C1orf94: variants seen among roughly 807,000 people sequenced by gnomAD.
C1orf94 encodes chromosome 1 open reading frame 94, also known as uncharacterized protein C1orf94.
Under a neutral mutation model 53.6 loss-of-function variants are expected in C1orf94, and 45 were observed. The observed-to-expected ratio is 0.84, with a 90% CI of 0.66 to 1.08. The LOEUF (loss-of-function observed/expected upper bound fraction) is 1.08, where lower values mean the gene tolerates loss of function less well. Among genes scored for constraint, C1orf94 ranks in the 50% least tolerant of loss-of-function variants. C1orf94 has a pLI of 0.00. For missense variants in C1orf94, 762 were observed against 738.9 expected (o/e 1.03, Z -0.36); for synonymous variants, 304 against 296.1 (o/e 1.03, Z -0.27).
At chr1:34,201,815 G>A (rs1020962550) in intron 3 of C1orf94, among the ~76,000 whole-genome samples, 1 of 152,170 alleles carries the variant, frequency 6.6e-6, no homozygotes, top group African/African-American at 2.4e-5. Flanking sequence ...GTATTCCCTT[G>A]CTAAATTGCC....
rs553040512 is a variant in C1orf94, at chr1:34,203,240, C to T, written c.1446+981C>T. On this transcript the variant is annotated intron_variant, in intron 4 of 6. Transcript: ENST00000488417. Reference sequence around the variant, plus strand: ...GCAACCTCTGCATCCCAGGTTGAAGCGATTCTCCTACCTCAGCCTCCCAAG... The same window carrying T: ...GCAACCTCTGCATCCCAGGTTGAAGTGATTCTCCTACCTCAGCCTCCCAAG... 4.6e-5 allele frequency among the ~76,000 whole-genome samples: 7 copies of T among 152,274 alleles called. No individual in the cohort carries two copies. The South Asian group carries it at 6.2e-4, about 14-fold the overall frequency.
intron 1 of C1orf94, among the ~76,000 whole-genome samples, chr1:34,167,636 G>A (rs1455077496): frequency 6.9e-5 from 3 of 43,646 alleles, no homozygotes; most frequent in Non-Finnish European, 1.7e-4. Context: ...GGCCCTGAGC[G>A]AGGCTGTGCT....
At chr1:34,168,458 A>G in intron 1 of C1orf94, among the ~76,000 whole-genome samples, 1 of 152,176 alleles carries the variant, frequency 6.6e-6, no homozygotes, top group East Asian at 1.9e-4. Context: ...AGTGGGGCAG[A>G]TCACATAGGG....
intron 1 of C1orf94, among the ~76,000 whole-genome samples, chr1:34,181,708 CACA>C (rs924250462): frequency 2.0e-5 from 3 of 152,126 alleles, no homozygotes; most frequent in Non-Finnish European, 2.9e-5. Context: ...ATAAGAAACA[CACA>C]AAAATAAACA....
intron 1 of C1orf94, among the ~76,000 whole-genome samples, chr1:34,168,988 G>A (rs1642095040): frequency 6.6e-6 from 1 of 152,148 alleles, no homozygotes; most frequent in African/African-American, 2.4e-5. Flanking sequence ...TATGTAAAGA[G>A]ATATCTGTTT....
chr1:34,199,332 A>G (rs1015101395), intron 2 of C1orf94, among the ~76,000 whole-genome samples: 1 of 152,162 alleles, frequency 6.6e-6, no homozygotes, highest in Admixed American at 6.5e-5. Flanking sequence ...ATCAGTGGGT[A>G]CTGTTATTTC....
At chr1:34,192,641 G>A (rs1326625065) in intron 1 of C1orf94, among the ~76,000 whole-genome samples, 1 of 152,188 alleles carries the variant, frequency 6.6e-6, no homozygotes, top group Non-Finnish European at 1.5e-5. Context: ...TATTAAATTA[G>A]GTGATGGTAC....
At chr1:34,176,419 C>G (rs916315936), upstream of C1orf94, among the ~76,000 whole-genome samples, 1 of 152,114 alleles carries the variant, frequency 6.6e-6, no homozygotes. Context: ...AGGGTAGGGG[C>G]CTGTTGATCA....
chr1:34,173,424 A>G (rs967046067), upstream of C1orf94, among the ~76,000 whole-genome samples: 21 of 152,216 alleles, frequency 1.4e-4, no homozygotes, highest in Admixed American at 7.9e-4. Context: ...AGCCTAGGCC[A>G]TTCCCACGTT....
At chr1:34,182,714 A>T (rs1642328442) in intron 1 of C1orf94, among the ~76,000 whole-genome samples, 1 of 152,172 alleles carries the variant, frequency 6.6e-6, no homozygotes, top group Admixed American at 6.5e-5. Context: ...ACAAACAAGG[A>T]TGGGGGCATG....
At chr1:34,218,407 G>A (rs146611515) in intron 6 of C1orf94, among the ~76,000 whole-genome samples, 2 of 152,166 alleles carry the variant, frequency 1.3e-5, no homozygotes, top group Admixed American at 1.3e-4. Flanking sequence ...CTTGGGCAGG[G>A]AGAGAGTGTA....
At chr1:34,185,396 T>A (rs1265559881) in intron 1 of C1orf94, among the ~76,000 whole-genome samples, 1 of 152,184 alleles carries the variant, frequency 6.6e-6, no homozygotes, top group Non-Finnish European at 1.5e-5. Flanking sequence ...GTCAGTCTGG[T>A]CTCGGACTCC....
intron 4 of C1orf94, among the ~76,000 whole-genome samples, chr1:34,204,358 A>G (rs1298979066): frequency 6.6e-6 from 1 of 152,156 alleles, no homozygotes; most frequent in African/African-American, 2.4e-5. Flanking sequence ...AAAGAGAACA[A>G]GTACCCGTCC....
At chr1:34,207,461 A>G (rs919012571) in intron 4 of C1orf94, among the ~76,000 whole-genome samples, 5 of 152,188 alleles carry the variant, frequency 3.3e-5, no homozygotes, top group Non-Finnish European at 5.9e-5. Context: ...TGTGCAGGGC[A>G]CTGTTCTAAG....
At chr1:34,190,270 A>G (rs1364167662) in intron 1 of C1orf94, among the ~76,000 whole-genome samples, 3 of 152,158 alleles carry the variant, frequency 2.0e-5, no homozygotes, top group Admixed American at 6.5e-5. Flanking sequence ...ACCCTCACCC[A>G]TGGAAACCAG....
chr1:34,187,345 T>C (rs1005170907), intron 1 of C1orf94, among the ~76,000 whole-genome samples: 23 of 152,144 alleles, frequency 1.5e-4, no homozygotes, highest in African/African-American at 5.6e-4. Flanking sequence ...CCCGGAACCA[T>C]GGGCCCTTCC....
At chr1:34,178,776 G>C (rs553329996) in intron 1 of C1orf94, among the ~76,000 whole-genome samples, 147 of 152,360 alleles carry the variant, frequency 9.6e-4, no homozygotes, top group African/African-American at 3.4e-3. Flanking sequence ...TATTCGAAAG[G>C]AAAGGAAGGA....
intron 1 of C1orf94, among the ~76,000 whole-genome samples, chr1:34,171,328 C>T (rs1642142171): frequency 6.6e-6 from 1 of 152,196 alleles, no homozygotes; most frequent in Non-Finnish European, 1.5e-5. Flanking sequence ...CTGTGACTAG[C>T]CTTCTCCTAT....
At chr1:34,171,575 C>T (rs778692748) in intron 1 of C1orf94, among the ~76,000 whole-genome samples, 1 of 152,180 alleles carries the variant, frequency 6.6e-6, no homozygotes, top group Non-Finnish European at 1.5e-5. Flanking sequence ...GAAATGCCTC[C>T]ACTGAGTTAT....
Sources: allele counts gnomAD v4.1 joint callset (sites outside exome capture counted in the v4.1 genomes callset), GRCh38; gene constraint gnomAD v4.1.1; transcripts MANE v1.5; gene names NCBI Gene and HGNC (gene_info 2026-07-23, HGNC 2026-07-21).